Variants in CPNE4 observed in about 807,000 individuals in gnomAD.
CPNE4 encodes the protein copine-4.
A neutral mutation model predicts 67.9 loss-of-function variants in CPNE4; 25 were observed. That is an observed-to-expected ratio of 0.37 (90% CI 0.27 to 0.51). The LOEUF is 0.51. CPNE4 is among the 20% of genes least tolerant of loss of function. The probability of loss-of-function intolerance (pLI) is 0.93; values close to 1 mark genes in which losing one functional copy is unlikely to be tolerated. For synonymous variants in CPNE4, 242 were observed against 244.9 expected (o/e 0.99, Z 0.11); for missense variants, 464 against 690.8 (o/e 0.67, Z 3.68).
chr3:131,645,298 T>C (rs2079638761), intron 7 of CPNE4, among the ~76,000 whole-genome samples: 2 of 152,184 alleles, frequency 1.3e-5, no homozygotes, highest in Admixed American at 1.3e-4. Context: ...TGGCCATTTT[T>C]TTTTCTTGGA....
At chr3:131,593,862 C>G (rs1246416988) in intron 7 of CPNE4, among the ~76,000 whole-genome samples, 1 of 152,084 alleles carries the variant, frequency 6.6e-6, no homozygotes, top group Non-Finnish European at 1.5e-5. Flanking sequence ...CAGGCGCACA[C>G]CACCATGCCC....
intron 2 of CPNE4, among the ~76,000 whole-genome samples, chr3:131,859,881 T>C (rs530068566): frequency 2.9e-4 from 44 of 152,258 alleles, no homozygotes; most frequent in African/African-American, 5.3e-4. Flanking sequence ...CTTAAATAAA[T>C]TGTACTAATA....
chr3:131,685,794 A>ACG, intron 6 of CPNE4, 81 bp downstream of exon 6: 1 of 921,486 alleles, frequency 1.1e-6, no homozygotes, highest in South Asian at 1.6e-5. Flanking sequence ...ACACACACAC[A>ACG]CACAAAAAGG....
chr3:131,670,818 T>TC (rs1553750402), intron 6 of CPNE4, among the ~76,000 whole-genome samples: 4 of 29,954 alleles, frequency 1.3e-4, no homozygotes, highest in Non-Finnish European at 2.0e-4. Context: ...AATTTTTTGT[T>TC]TTTTTTTTTT....
At chr3:132,018,208 CAAG>C (rs968216045) in intron 1 of CPNE4, among the ~76,000 whole-genome samples, 1 of 152,062 alleles carries the variant, frequency 6.6e-6, no homozygotes, top group Admixed American at 6.6e-5. Flanking sequence ...TTGCTGAGAC[CAAG>C]AAGGAGTTCT....
At chr3:132,002,105 C>G (rs2107665155) in intron 1 of CPNE4, among the ~76,000 whole-genome samples, 1 of 152,272 alleles carries the variant, frequency 6.6e-6, no homozygotes, top group East Asian at 1.9e-4. Context: ...GGCTGCCAAT[C>G]TTATCATCAC....
chr3:132,033,553 C>T (rs75918760), intron 1 of CPNE4, among the ~76,000 whole-genome samples: 5,487 of 152,282 alleles, frequency 0.036, 143 homozygotes, highest in Admixed American at 0.053. Context: ...CACATCAAGC[C>T]CTTCATAGAT....
chr3:131,776,730 G>A (rs992419066), intron 2 of CPNE4, among the ~76,000 whole-genome samples: 7 of 152,040 alleles, frequency 4.6e-5, no homozygotes, highest in Admixed American at 6.6e-5. Context: ...GGGCTGCCTC[G>A]CCTAATACAA....
intron 2 of CPNE4, among the ~76,000 whole-genome samples, chr3:131,886,105 T>C (rs552118797): frequency 1.3e-4 from 20 of 152,284 alleles, no homozygotes; most frequent in African/African-American, 4.1e-4. Flanking sequence ...ATCACCAGCC[T>C]GAAGGCCTAG....
chr3:131,659,986 C>T (rs2080082206), intron 7 of CPNE4, among the ~76,000 whole-genome samples: 2 of 152,136 alleles, frequency 1.3e-5, no homozygotes, highest in East Asian at 3.8e-4. Flanking sequence ...GTAAAAGATA[C>T]ATAACATAAA....
intron 7 of CPNE4, among the ~76,000 whole-genome samples, chr3:131,596,877 G>C (rs1318621179): frequency 1.3e-5 from 2 of 152,090 alleles, no homozygotes; most frequent in Non-Finnish European, 2.9e-5. Context: ...TGCAATAAAT[G>C]TCTTAATATA....
intron 2 of CPNE4, among the ~76,000 whole-genome samples, chr3:131,815,825 G>A (rs2084716509): frequency 6.6e-6 from 1 of 152,120 alleles, no homozygotes; most frequent in Non-Finnish European, 1.5e-5. Context: ...AGACATCTGG[G>A]TATCAGCAGA....
chr3:131,807,891 T>C (rs1414093770), intron 2 of CPNE4, among the ~76,000 whole-genome samples: 1 of 152,168 alleles, frequency 6.6e-6, no homozygotes, highest in African/African-American at 2.4e-5. Flanking sequence ...GCCTGGTACA[T>C]AATAGAAGAT....
chr3:131,541,206 C>A (rs1453025643), intron 15 of CPNE4, among the ~76,000 whole-genome samples: 1 of 152,190 alleles, frequency 6.6e-6, no homozygotes, highest in Non-Finnish European at 1.5e-5. Flanking sequence ...AGCTAGGATA[C>A]TCTAGAGGGG....
At chr3:131,853,259 T>A (rs1338311747) in intron 2 of CPNE4, among the ~76,000 whole-genome samples, 1 of 151,852 alleles carries the variant, frequency 6.6e-6, no homozygotes, top group Non-Finnish European at 1.5e-5. Context: ...TAGAAATGAA[T>A]CTATACAAAC....
At chr3:131,573,125 C>G (rs1326559983) in intron 10 of CPNE4, among the ~76,000 whole-genome samples, 1 of 152,042 alleles carries the variant, frequency 6.6e-6, no homozygotes, top group Non-Finnish European at 1.5e-5. Context: ...GAATAGAATA[C>G]CTAGCAATTC....
intron 2 of CPNE4, among the ~76,000 whole-genome samples, chr3:131,757,700 G>A (rs1294762627): frequency 2.6e-5 from 4 of 152,184 alleles, no homozygotes; most frequent in African/African-American, 9.6e-5. Flanking sequence ...GGCCATGTTA[G>A]AGACCCTCAG....
intron 2 of CPNE4, among the ~76,000 whole-genome samples, chr3:131,745,773 T>C (rs2082473038): frequency 6.6e-6 from 1 of 152,130 alleles, no homozygotes; most frequent in African/African-American, 2.4e-5. Context: ...CTTCTGCCAG[T>C]TCCACACAGT....
chr3:131,676,502 T>C lies in CPNE4; in HGVS notation c.592-6738A>G, dbSNP rs1247023763. 3.3e-5 allele frequency among the ~76,000 whole-genome samples: 5 copies of C among 152,290 alleles called. No individual in the cohort carries two copies. In the East Asian group the frequency reaches 9.6e-4, roughly 29 times the overall value. On this transcript the variant is annotated intron_variant, in intron 6 of 15. Coordinates refer to ENST00000429747, the MANE Select transcript of CPNE4 (RefSeq NM_130808.3). ...CCCAGGTATTAAGCCTAGTATCCAA[T>C]AGTTATTTTTCCTACTTCTCTCCCT...
Sources: allele counts gnomAD v4.1 joint callset (sites outside exome capture counted in the v4.1 genomes callset), GRCh38; gene constraint gnomAD v4.1.1; transcripts MANE v1.5; gene names NCBI Gene and HGNC (gene_info 2026-07-23, HGNC 2026-07-21).